The following PAX5 variants were observed in gnomAD, a reference collection of about 807,000 sequenced individuals.
PAX5 encodes the protein paired box 5, also known as paired box protein Pax-5.
Under a neutral mutation model 43.7 loss-of-function variants are expected in PAX5, and 9 were observed. The observed-to-expected ratio is 0.21, with a 90% CI of 0.12 to 0.36. The LOEUF (loss-of-function observed/expected upper bound fraction) is 0.36. Ranked by LOEUF, PAX5 falls within the 10% of genes least tolerant of loss-of-function variation. The pLI, the probability that PAX5 is intolerant of heterozygous loss-of-function variation, is 1.00. For synonymous variants in PAX5, 228 were observed against 214.3 expected, an observed-to-expected ratio of 1.06 and a Z score of -0.56; for missense variants, 383 against 532.7, an observed-to-expected ratio of 0.72 and a Z score of 2.77.
intron 7 of PAX5, among the ~76,000 whole-genome samples, chr9:36,903,204 CAGACCA>C: frequency 6.6e-6 from 1 of 152,294 alleles, no homozygotes; most frequent in East Asian, 1.9e-4. Flanking sequence ...TTCTCTCTCC[CAGACCA>C]AGGAAGGAGG....
chr9:37,018,243 A>G (rs2988001), intron 2 of PAX5, among the ~76,000 whole-genome samples: 2,287 of 152,266 alleles, frequency 0.015, 35 homozygotes, highest in East Asian at 0.08. Flanking sequence ...GTTTCTTCTT[A>G]CTGTGTAACA....
At chr9:36,972,644 T>C (rs1166127490) in intron 5 of PAX5, among the ~76,000 whole-genome samples, 3 of 152,018 alleles carry the variant, frequency 2.0e-5, no homozygotes, top group Admixed American at 6.6e-5. Context: ...GGCCTGTTGG[T>C]TGGGGGTGGT....
At position 36,952,234 on chromosome 9, in the gene PAX5, C is replaced by CTT. The variant is rs138009049; in HGVS notation, c.780+14313_780+14314dup. 1.3e-3 allele frequency among the ~76,000 whole-genome samples: 87 copies of CTT among 66,660 alleles called. 15 individuals carry two copies. Among genetic ancestry groups the CTT allele is most frequent in the East Asian group, 4.5e-3 (9 of 2,016 alleles). 43.7% of individuals were successfully genotyped at this position (66,660 alleles called of 152,430 possible). ...TTTTTAATATGCTCTGACCATCTCCCTTTTTTTTTTTTTTTTTTTTTTTGA... is the reference window on the plus strand; with the variant it reads ...TTTTTAATATGCTCTGACCATCTCCCTTTTTTTTTTTTTTTTTTTTTTTTTGA... On this transcript the variant is annotated intron_variant, in intron 6 of 9. Coordinates refer to ENST00000358127, the MANE Select transcript of PAX5 (RefSeq NM_016734.3).
chr9:36,858,713 C>T (rs528070849), intron 8 of PAX5, among the ~76,000 whole-genome samples: 202 of 152,278 alleles, frequency 1.3e-3, no homozygotes, highest in Admixed American at 3.4e-3. Context: ...GACCCTCAAA[C>T]CTCCTGGCAC....
intron 7 of PAX5, among the ~76,000 whole-genome samples, chr9:36,897,173 G>A (rs143276541): frequency 6.6e-6 from 1 of 152,282 alleles, no homozygotes; most frequent in Non-Finnish European, 1.5e-5. Flanking sequence ...GAGCTTCCTC[G>A]GGTCCAGGCA....
intron 6 of PAX5, among the ~76,000 whole-genome samples, chr9:36,927,367 A>G (rs7032626): frequency 0.24 from 36,137 of 152,170 alleles, 5,012 homozygotes; most frequent in Non-Finnish European, 0.33. Context: ...AAGAACCACA[A>G]AAAGGGTGGT....
intron 7 of PAX5, among the ~76,000 whole-genome samples, chr9:36,895,379 G>A (rs191379566): frequency 1.6e-4 from 25 of 152,304 alleles, no homozygotes; most frequent in Admixed American, 1.3e-3. Flanking sequence ...CAGAACAATC[G>A]TATGAGGTAG....
At chr9:36,984,821 A>G (rs1417921567) in intron 5 of PAX5, among the ~76,000 whole-genome samples, 1 of 152,186 alleles carries the variant, frequency 6.6e-6, no homozygotes, top group African/African-American at 2.4e-5. Context: ...CTCGCCTATC[A>G]CAAAGTGAGT....
chr9:36,933,910 T>C (rs985246908), intron 6 of PAX5, among the ~76,000 whole-genome samples: 23 of 97,082 alleles, frequency 2.4e-4, no homozygotes, highest in African/African-American at 6.8e-4. Flanking sequence ...ATGGACCAAA[T>C]CCATTGGGGC....
chr9:36,943,030 C>T (rs991025686), intron 6 of PAX5, among the ~76,000 whole-genome samples: 2 of 152,220 alleles, frequency 1.3e-5, no homozygotes, highest in Non-Finnish European at 1.5e-5. Flanking sequence ...CTACCCAGGG[C>T]CTGCTATGTC....
At position 36,890,331 on chromosome 9, in the gene PAX5, TG is replaced by T. The variant is rs1490536072; in HGVS notation, c.911-8227del. ...GAGGGTCTGCCAGCCTTGACAGCCCTGGGGCAAGAGGTCCTGCCCAGAGGAG... is the reference window on the plus strand; with the variant it reads ...GAGGGTCTGCCAGCCTTGACAGCCCTGGGCAAGAGGTCCTGCCCAGAGGAG... On this transcript the variant is annotated intron_variant, in intron 7 of 9. Coordinates refer to ENST00000358127, the MANE Select transcript of PAX5 (RefSeq NM_016734.3). Among the ~76,000 whole-genome samples, 7 of 152,184 alleles carry T rather than the reference TG, an allele frequency of 4.6e-5. No individual in the cohort carries two copies. In the South Asian group the frequency reaches 1.2e-3, roughly 27 times the overall value.
At chr9:36,997,726 C>G (rs1041595031) in intron 5 of PAX5, among the ~76,000 whole-genome samples, 1 of 152,262 alleles carries the variant, frequency 6.6e-6, no homozygotes, top group African/African-American at 2.4e-5. Context: ...GGGTGGCACC[C>G]CAGCCTGACC....
At chr9:36,862,304 G>A (rs980072799) in intron 8 of PAX5, among the ~76,000 whole-genome samples, 1 of 152,166 alleles carries the variant, frequency 6.6e-6, no homozygotes, top group African/African-American at 2.4e-5. Context: ...AATGCAGGAG[G>A]ACGATGCATC....
chr9:36,871,253 G>A (rs542563593), intron 8 of PAX5, among the ~76,000 whole-genome samples: 1 of 152,220 alleles, frequency 6.6e-6, no homozygotes. Flanking sequence ...TGCAGTCCTC[G>A]TCCAGTCCTC....
intron 8 of PAX5, among the ~76,000 whole-genome samples, chr9:36,868,437 CG>C (rs1038011722): frequency 3.3e-5 from 5 of 152,140 alleles, no homozygotes; most frequent in African/African-American, 9.7e-5. Context: ...GGGCAGTGCC[CG>C]GGGGGTGCAC....
chr9:36,920,060 C>T (rs1227514580), intron 7 of PAX5, among the ~76,000 whole-genome samples: 1 of 152,022 alleles, frequency 6.6e-6, no homozygotes, highest in Non-Finnish European at 1.5e-5. Flanking sequence ...TACTGAATTG[C>T]TGCCATCTCA....
At chr9:36,980,019 T>A (rs546401427) in intron 5 of PAX5, among the ~76,000 whole-genome samples, 1 of 152,318 alleles carries the variant, frequency 6.6e-6, no homozygotes, top group South Asian at 2.1e-4. Context: ...AATGCCTCCC[T>A]AATTTATGTC....
chr9:36,981,169 C>G (rs1588138886), intron 5 of PAX5, among the ~76,000 whole-genome samples: 1 of 129,206 alleles, frequency 7.7e-6, no homozygotes, highest in Admixed American at 8.1e-5. Context: ...TAGGACCACC[C>G]TCCAAAAACA....
Position 36,924,439 on chromosome 9 carries a change from G to A in PAX5, c.781-955C>T, listed in dbSNP as rs1587984242. Reference sequence around the variant, plus strand: ...TTTTCAGGTAAAGAAAATATATGCGGCTGGGTGCAGTGGCTCACGCATGTC... The same window carrying A: ...TTTTCAGGTAAAGAAAATATATGCGACTGGGTGCAGTGGCTCACGCATGTC... On this transcript the variant is annotated intron_variant, in intron 6 of 9. Transcript: ENST00000358127. 2.6e-5 allele frequency among the ~76,000 whole-genome samples: 4 copies of A among 152,280 alleles called. No individual in the cohort carries two copies. In the Middle Eastern group the frequency reaches 0.01, roughly 388 times the overall value.
Sources: gnomAD v4.1 joint callset for allele counts (sites outside exome capture counted in the v4.1 genomes callset) on GRCh38, gnomAD v4.1.1 for gene constraint, MANE v1.5 for transcripts, NCBI Gene and HGNC (gene_info 2026-07-23, HGNC 2026-07-21) for gene names.